The following NEK6 variants were observed in gnomAD, a reference collection of about 807,000 sequenced individuals.
NEK6 encodes serine/threonine-protein kinase Nek6.
Under a neutral mutation model 43.5 loss-of-function variants are expected in NEK6, and 27 were observed. That is an observed-to-expected ratio of 0.62 (90% confidence interval 0.46 to 0.86). The LOEUF is 0.86. Ranked by LOEUF, NEK6 falls within the 40% of genes least tolerant of loss-of-function variation. The pLI, the probability that NEK6 is intolerant of heterozygous loss-of-function variation, is 0.00. For missense variants in NEK6, 318 were observed against 414.4 expected (o/e 0.77, Z 2.02); for synonymous variants, 167 against 164.1 (o/e 1.02, Z -0.14).
At chr9:124,320,834 G>A (rs949811169) in intron 4 of NEK6, among the ~76,000 whole-genome samples, 9 of 152,204 alleles carry the variant, frequency 5.9e-5, no homozygotes, top group African/African-American at 9.6e-5. Context: ...GCATGCAGCC[G>A]TAGTCCCAAC....
chr9:124,328,773 C>T (rs1182492278), intron 7 of NEK6, among the ~76,000 whole-genome samples: 2 of 152,188 alleles, frequency 1.3e-5, no homozygotes, highest in African/African-American at 4.8e-5. Flanking sequence ...AGCCTAGAGA[C>T]CAGCGACTCC....
At position 124,268,475 on chromosome 9, in the gene NEK6, A is replaced by T. The variant is rs543036572; in HGVS notation, c.-30+10390A>T. 1.1e-4 allele frequency among the ~76,000 whole-genome samples: 16 copies of T among 152,294 alleles called. No individual in the cohort carries two copies. The South Asian group carries it at 3.3e-3, about 32-fold the overall frequency. Reference sequence around the variant, plus strand: ...TGAATGCATTCACTTCCCAGTGGACATTTAACAACCACCTACTGTGTGCAG... The same window carrying T: ...TGAATGCATTCACTTCCCAGTGGACTTTTAACAACCACCTACTGTGTGCAG... On this transcript the variant is annotated intron_variant, in intron 1 of 9. Coordinates refer to ENST00000320246, the MANE Select transcript of NEK6 (RefSeq NM_014397.6).
At position 124,324,539 on chromosome 9, in the gene NEK6, C is replaced by T. The variant is rs912506258; in HGVS notation, c.406-1791C>T. Among the ~76,000 whole-genome samples the T allele has an allele frequency of 2.6e-5, 4 of 152,194 alleles. No individual in the cohort carries two copies. The highest frequency in any genetic ancestry group is 9.6e-5 in the African/African-American group (4 of 41,452). ...ATAGGACATGACATTTAGAAAATCA[C>T]CACTCTCGGCCACGCGCGTCCCTGC... On this transcript the variant is annotated intron_variant, in intron 5 of 9. Transcript: ENST00000320246. The surrounding 1 kb of genome is among the most constrained non-coding windows in gnomAD (Gnocchi z 5.3).
intron 4 of NEK6, among the ~76,000 whole-genome samples, chr9:124,318,655 C>G (rs932064036): frequency 2.0e-5 from 3 of 152,000 alleles, no homozygotes; most frequent in African/African-American, 7.3e-5. Context: ...TCTTCCTACT[C>G]TTTATTTTAT....
chr9:124,265,907 T>C (rs1831211403), intron 1 of NEK6: 1 of 152,274 alleles, frequency 6.6e-6, no homozygotes. Context: ...GACCCTCTAA[T>C]GGCCCCACCC....
At position 124,352,081 on chromosome 9, in the gene NEK6, A is replaced by C. The variant is rs999572810; in HGVS notation, c.*1134A>C. The C allele has an allele frequency of 5.2e-5, 8 of 152,662 alleles. No individual in the cohort carries two copies. Among genetic ancestry groups the C allele is most frequent in the African/African-American group, 1.7e-4 (7 of 41,454 alleles). 9.5% of individuals were successfully genotyped at this position (152,662 alleles called of 1,614,324 possible). A position where few individuals can be genotyped will look rare whatever the true frequency, so the allele number is the denominator to read the frequency against. On this transcript the variant is annotated 3_prime_UTR_variant, in exon 10 of 10. Coordinates refer to ENST00000320246, the MANE Select transcript of NEK6 (RefSeq NM_014397.6). ...AAGACTAATTTATAAATGTGAACCT[A>C]AGAAAACTCCACCTCTGAAGGAAAT...
At chr9:124,276,723 A>G (rs559295612) in intron 1 of NEK6, among the ~76,000 whole-genome samples, 130 of 152,318 alleles carry the variant, frequency 8.5e-4, no homozygotes, top group South Asian at 3.5e-3. Flanking sequence ...TCCTCCTCCT[A>G]TTGCTATTGT....
intron 5 of NEK6, among the ~76,000 whole-genome samples, chr9:124,322,800 A>G (rs919387583): frequency 6.6e-5 from 10 of 152,214 alleles, no homozygotes; most frequent in African/African-American, 2.4e-4. Context: ...CCCATCAGGC[A>G]CTGGGGATTG....
At chr9:124,293,161 G>C in intron 1 of NEK6, 1 of 1,113,446 alleles carries the variant, frequency 9.0e-7, no homozygotes, top group South Asian at 2.9e-5. Flanking sequence ...TTAAAATGCA[G>C]ACTTTGGAGA....
chr9:124,318,387 C>T (rs1564643524), intron 4 of NEK6, among the ~76,000 whole-genome samples: 1 of 152,002 alleles, frequency 6.6e-6, no homozygotes. Flanking sequence ...GGCTACAGGC[C>T]TGCACCACGA....
chr9:124,270,991 G>T (rs922314481), intron 1 of NEK6, among the ~76,000 whole-genome samples: 4 of 152,220 alleles, frequency 2.6e-5, no homozygotes, highest in Admixed American at 2.6e-4. Context: ...ACAGAGCAAG[G>T]GCCTTATGTT....
chr9:124,263,155 G>C (rs541387698), intron 1 of NEK6: 1 of 152,366 alleles, frequency 6.6e-6, no homozygotes, highest in South Asian at 2.1e-4. Context: ...ATGACCTTCA[G>C]CTCTAATGAA....
At chr9:124,258,447 G>T in intron 1 of NEK6, 1 of 662,182 alleles carries the variant, frequency 1.5e-6, no homozygotes, top group Non-Finnish European at 1.9e-6. Context: ...GCCGGGCGCC[G>T]CAGGGAGTAC....
Position 124,274,995 on chromosome 9 carries a change from C to T in NEK6, c.-30+16910C>T, listed in dbSNP as rs116901723. Among the ~76,000 whole-genome samples, 184 of 152,304 alleles carry T rather than the reference C, an allele frequency of 1.2e-3. 1 individual carries two copies. In the East Asian group the frequency reaches 0.033, roughly 27 times the overall value. On this transcript the variant is annotated intron_variant, in intron 1 of 9. Transcript: ENST00000320246. ...TGAAAAGGACCGACCTAACTTAGTA[C>T]AATTCTTAACCTGAGCAGGGACCCC...
chr9:124,281,834 G>A (rs1831926906), intron 1 of NEK6, among the ~76,000 whole-genome samples: 1 of 152,176 alleles, frequency 6.6e-6, no homozygotes, highest in Admixed American at 6.5e-5. Flanking sequence ...GATACTAGGT[G>A]GACGTTTTAT....
In NEK6 at chr9:124,264,483, A is replaced by G. The variant is rs146169277; in HGVS notation, c.-30+6398A>G. On this transcript the variant is annotated intron_variant, in intron 1 of 9. Transcript: ENST00000320246. ...TCAACTTTAGGATTAGAATTCTGCT[A>G]AGAGGTACCATGTGACAAAAAAGGT... 3.5e-3 allele frequency among the ~76,000 whole-genome samples: 535 copies of G among 152,330 alleles called. 4 individuals are homozygous for G. The highest frequency in any genetic ancestry group is 0.012 in the African/African-American group (502 of 41,568).
intron 2 of NEK6, 34 bp downstream of exon 2, chr9:124,302,088 A>G: frequency 6.8e-7 from 1 of 1,471,486 alleles, no homozygotes; most frequent in Non-Finnish European, 9.3e-7. Flanking sequence ...AGCACACTGA[A>G]GAGTTCCCAA....
chr9:124,340,085 C>A (rs1485338107), intron 8 of NEK6, among the ~76,000 whole-genome samples: 9 of 152,202 alleles, frequency 5.9e-5, no homozygotes, highest in African/African-American at 1.9e-4. Flanking sequence ...GAATCACTCT[C>A]CACTGACAGG....
Position 124,257,991 on chromosome 9 carries a change from C to T in NEK6, c.-124C>T, listed in dbSNP as rs900205862. ...GGAACCGAGCTGACGGGCGTGCGGC[C>T]GCTGCGCCGCAAACTCGTGTGGGAC... On this transcript the variant is annotated 5_prime_UTR_variant, in exon 1 of 10. Transcript: ENST00000320246. The T allele has an allele frequency of 3.1e-6, 3 of 978,736 alleles. No individual in the cohort carries two copies. The highest frequency in any genetic ancestry group is 4.7e-5 in the South Asian group (1 of 21,260). 60.6% of individuals were successfully genotyped at this position (978,736 alleles called of 1,614,324 possible). A position where few individuals can be genotyped will look rare whatever the true frequency, so the allele number is the denominator to read the frequency against.
Sources: allele counts gnomAD v4.1 joint callset (sites outside exome capture counted in the v4.1 genomes callset), GRCh38; gene constraint gnomAD v4.1.1; non-coding constraint Gnocchi (gnomAD v3.1); transcripts MANE v1.5; gene names NCBI Gene and HGNC (gene_info 2026-07-23, HGNC 2026-07-21).